The following WDR33 variants were observed in gnomAD, a reference collection of about 807,000 sequenced individuals.
WDR33 encodes pre-mRNA 3' end processing protein WDR33.
Under a neutral mutation model 164.9 loss-of-function variants are expected in WDR33, and 47 were observed. That is an observed-to-expected ratio of 0.29 (90% confidence interval 0.23 to 0.36). WDR33 has a LOEUF of 0.36. Ranked by LOEUF, WDR33 falls within the 10% of genes least tolerant of loss-of-function variation. WDR33 has a pLI of 1.00. For missense variants in WDR33, 1,137 were observed against 1,754.1 expected, an observed-to-expected ratio of 0.65 and a Z score of 6.28; for synonymous variants, 505 against 589.0, an observed-to-expected ratio of 0.86 and a Z score of 2.06.
Position 127,720,006 on chromosome 2 carries a change from C to A in WDR33, c.2019G>T (p.Gly673=), listed in dbSNP as rs148487848. 7 of 1,613,794 alleles carry A rather than the reference C, an allele frequency of 4.3e-6. No homozygotes were observed. The Admixed American group carries it at 1.0e-4, about 23-fold the overall frequency. The change falls in exon 16 of 22, where the codon GGG becomes GGT. Residue 673 remains glycine (G), a synonymous_variant. Coordinates refer to ENST00000322313, the MANE Select transcript of WDR33 (RefSeq NM_018383.5). This position sits in a 1 kb window ranked among gnomAD's most constrained non-coding sequence, Gnocchi z 5.9. ...CAGGATGCCTCTGCATTCCTTGGGG[C>A]CCATGCATGTCCTGAGGCCGTGGCA... is the stretch of plus-strand genomic sequence containing the variant. The part of the protein sequence containing the change: ...QGLPRPQDMH[G]PQGMQRHPGP...
intron 1 of WDR33, among the ~76,000 whole-genome samples, chr2:127,772,159 G>A (rs904589235): frequency 6.6e-6 from 1 of 151,952 alleles, no homozygotes; most frequent in African/African-American, 2.4e-5. Context: ...TTTCACAGCT[G>A]GGCGCAGTGG....
At position 127,702,298 on chromosome 2, in the gene WDR33, GC is replaced by G; in HGVS notation, c.*4024del. 9.9e-7 allele frequency: 1 copy of G among 1,013,144 alleles called. No homozygotes were observed. The highest frequency in any genetic ancestry group is 1.2e-6 in the Non-Finnish European group (1 of 800,676). 62.8% of individuals were successfully genotyped at this position (1,013,144 alleles called of 1,614,324 possible). On this transcript the variant is annotated 3_prime_UTR_variant, in exon 22 of 22. Coordinates refer to ENST00000322313, the MANE Select transcript of WDR33 (RefSeq NM_018383.5). ...CCGTGGCGAAGGCCCTGCCCTAACA[GC>G]CTGCGAGTCTAATCCGGGAGCGGCT...
In WDR33 at chr2:127,717,462, C is replaced by A. The variant is rs912415562; in HGVS notation, c.2761-199G>T. On this transcript the variant is annotated intron_variant, in intron 16 of 21. Transcript: ENST00000322313. This position sits in a 1 kb window ranked among gnomAD's most constrained non-coding sequence, Gnocchi z 5.6. ...TTTTTTAAAGCACCTGTATTTTAAA[C>A]CTGTTGACAACTTTTATGTAAAATT... is the stretch of plus-strand genomic sequence containing the variant. Among the ~76,000 whole-genome samples the A allele has an allele frequency of 6.6e-6, 1 of 152,102 alleles. No homozygotes were observed. The highest frequency in any genetic ancestry group is 1.5e-5 in the Non-Finnish European group (1 of 68,014).
At chr2:127,783,707 T>C (rs1450435488) in intron 1 of WDR33, among the ~76,000 whole-genome samples, 1 of 143,794 alleles carries the variant, frequency 7.0e-6, no homozygotes, top group African/African-American at 2.6e-5. Flanking sequence ...TAGGTTCAAG[T>C]GATTCTCCTG....
intron 1 of WDR33, among the ~76,000 whole-genome samples, chr2:127,784,649 G>C (rs1400020178): frequency 1.3e-5 from 2 of 152,030 alleles, no homozygotes; most frequent in African/African-American, 4.8e-5. Flanking sequence ...CCAAAGTACA[G>C]AGACTACACG....
chr2:127,776,044 AG>A (rs1331570168), intron 1 of WDR33, among the ~76,000 whole-genome samples: 6 of 152,214 alleles, frequency 3.9e-5, no homozygotes, highest in African/African-American at 1.2e-4. Flanking sequence ...GGCCGCTGTT[AG>A]GGGCTGAAAT....
rs1686317445 is a variant in WDR33, at chr2:127,716,992, A to C, written c.2869+163T>G. Among the ~76,000 whole-genome samples, 1 of 152,220 alleles carries C rather than the reference A, an allele frequency of 6.6e-6. No individual in the cohort carries two copies. Among genetic ancestry groups the C allele is most frequent in the African/African-American group, 2.4e-5 (1 of 41,442 alleles). ...GAGGGGCTTACTAAACAGATCCAAG[A>C]ACACAACCAAAGACAAAGCTCCTAC... is the stretch of plus-strand genomic sequence containing the variant. On this transcript the variant is annotated intron_variant, in intron 17 of 21. Coordinates refer to ENST00000322313, the MANE Select transcript of WDR33 (RefSeq NM_018383.5). This position sits in a 1 kb window ranked among gnomAD's most constrained non-coding sequence, Gnocchi z 4.5.
intron 1 of WDR33, among the ~76,000 whole-genome samples, chr2:127,806,976 C>CTACAG (rs1318969600): frequency 6.6e-6 from 1 of 152,094 alleles, no homozygotes; most frequent in Non-Finnish European, 1.5e-5. Flanking sequence ...TGGGTGTTCA[C>CTACAG]TGTAGTATTC....
chr2:127,749,380 G>C (rs1687251761), intron 7 of WDR33, among the ~76,000 whole-genome samples: 1 of 152,010 alleles, frequency 6.6e-6, no homozygotes. Context: ...AACACCATAA[G>C]GGCAGGTGTG....
chr2:127,765,379 G>T, intron 4 of WDR33, 110 bp from the exon 5 acceptor site: 1 of 756,240 alleles, frequency 1.3e-6, no homozygotes. Flanking sequence ...TAATGATACT[G>T]ACTTTCACTT....
At position 127,738,113 on chromosome 2, in the gene WDR33, C is replaced by T; in HGVS notation, c.725-11336G>A. 2 of 1,499,286 alleles carry T rather than the reference C, an allele frequency of 1.3e-6. No homozygotes were observed. The highest frequency in any genetic ancestry group is 1.8e-6 in the Non-Finnish European group (2 of 1,112,052). 92.9% of individuals were successfully genotyped at this position (1,499,286 alleles called of 1,614,324 possible). A position where few individuals can be genotyped will look rare whatever the true frequency, so the allele number is the denominator to read the frequency against. ...ATACTGTGCAGGCAGGTATCTATCACATGAGCCCTGGCAGATTGTGTAATT... is the reference window on the plus strand; with the variant it reads ...ATACTGTGCAGGCAGGTATCTATCATATGAGCCCTGGCAGATTGTGTAATT... On this transcript the variant is annotated intron_variant, in intron 7 of 21. Coordinates refer to ENST00000322313, the MANE Select transcript of WDR33 (RefSeq NM_018383.5). The surrounding 1 kb of genome is among the most constrained non-coding windows in gnomAD (Gnocchi z 4.4).
intron 1 of WDR33, among the ~76,000 whole-genome samples, chr2:127,787,864 C>A: frequency 1.2e-5 from 1 of 80,640 alleles, no homozygotes; most frequent in East Asian, 4.1e-4. Context: ...ACCTCCCTCC[C>A]GGACGGGGCG....
intron 7 of WDR33, among the ~76,000 whole-genome samples, chr2:127,728,362 A>C (rs1431748282): frequency 2.6e-5 from 4 of 152,230 alleles, no homozygotes; most frequent in African/African-American, 9.6e-5. Context: ...AACAGTCAAT[A>C]ACATGAGTGA....
At chr2:127,788,317 C>G (rs1461752063) in intron 1 of WDR33, among the ~76,000 whole-genome samples, 2 of 122,304 alleles carry the variant, frequency 1.6e-5, no homozygotes, top group African/African-American at 6.7e-5. Context: ...ACCTCCCTCC[C>G]GGACGGGGCG....
Position 127,709,706 on chromosome 2 carries a change from C to T in WDR33, c.3459G>A (p.Arg1153=). 1 of 1,614,238 alleles carries T rather than the reference C, an allele frequency of 6.2e-7. No homozygotes were observed. Among genetic ancestry groups the T allele is most frequent in the Non-Finnish European group, 8.5e-7 (1 of 1,180,050 alleles). ...ARGRDLRGRG[R]GTPRGGRKGL... ...TAACTCGCTCACCTCGTGGGGTACC[C>T]CGACCTCGACCTCTGAGATCTCGTC... Residue 1153 remains arginine, a synonymous_variant, in exon 19 of 22, where the codon CGG becomes CGA. Coordinates refer to ENST00000322313, the MANE Select transcript of WDR33 (RefSeq NM_018383.5). This position sits in a 1 kb window ranked among gnomAD's most constrained non-coding sequence, Gnocchi z 5.0.
chr2:127,750,720 ATG>A (rs201750980), intron 7 of WDR33, among the ~76,000 whole-genome samples: 30 of 68,534 alleles, frequency 4.4e-4, no homozygotes, highest in African/African-American at 1.7e-3. Context: ...ATATGTATGT[ATG>A]CATACATATA....
chr2:127,781,045 A>G (rs1261976609), intron 1 of WDR33, among the ~76,000 whole-genome samples: 3 of 151,834 alleles, frequency 2.0e-5, no homozygotes, highest in Non-Finnish European at 2.9e-5. Flanking sequence ...CGTATCTCTA[A>G]TAGAGACGGG....
At chr2:127,732,105 T>C (rs1021931828) in intron 7 of WDR33, among the ~76,000 whole-genome samples, 2 of 119,330 alleles carry the variant, frequency 1.7e-5, no homozygotes, top group Admixed American at 9.0e-5. Flanking sequence ...AAACAACATA[T>C]ACAACACACA....
chr2:127,802,994 C>CA (rs1176792493), intron 1 of WDR33, among the ~76,000 whole-genome samples: 2 of 151,304 alleles, frequency 1.3e-5, no homozygotes, highest in Non-Finnish European at 3.0e-5. Flanking sequence ...AACAAACAAA[C>CA]AAAAAAACTA....
Sources: allele counts gnomAD v4.1 joint callset (sites outside exome capture counted in the v4.1 genomes callset), GRCh38; gene constraint gnomAD v4.1.1; non-coding constraint Gnocchi (gnomAD v3.1); transcripts MANE v1.5; gene names NCBI Gene and HGNC (gene_info 2026-07-23, HGNC 2026-07-21).